DPP6: variants seen among roughly 807,000 people sequenced by gnomAD.
DPP6 encodes the protein dipeptidyl peptidase like 6, also known as A-type potassium channel modulatory protein DPP6.
Under a neutral mutation model 122.6 loss-of-function variants are expected in DPP6, and 69 were observed. The ratio of observed to expected loss-of-function variants is 0.56; its 90% confidence interval spans 0.46 to 0.69. The LOEUF (loss-of-function observed/expected upper bound fraction) is 0.69. DPP6 is among the 30% of genes least tolerant of loss of function. The pLI is 0.00. For missense variants in DPP6, 928 were observed against 1,116.9 expected, an observed-to-expected ratio of 0.83 and a Z score of 2.41; for synonymous variants, 418 against 433.1, an observed-to-expected ratio of 0.97 and a Z score of 0.43.
At chr7:154,649,255 G>T (rs1836712173) in intron 6 of DPP6, among the ~76,000 whole-genome samples, 1 of 152,138 alleles carries the variant, frequency 6.6e-6, no homozygotes, top group Non-Finnish European at 1.5e-5. Context: ...CTGTTGCATG[G>T]ATATCATAAT....
At chr7:154,141,075 A>G (rs1260808666) in intron 1 of DPP6, among the ~76,000 whole-genome samples, 3 of 152,158 alleles carry the variant, frequency 2.0e-5, no homozygotes, top group Non-Finnish European at 4.4e-5. Context: ...AGCAGGTATG[A>G]AGGCATCATG....
rs1795252536 is a variant in DPP6, at chr7:153,959,761, G to A, written c.51+72027G>A. ...GTTTCTTCATGTCAGCAATAAGGCT[G>A]TTTTGCTTTCTTATCATTCATGTGT... On this transcript the variant is annotated intron_variant, in intron 1 of 25. Coordinates refer to the DPP6 transcript ENST00000404039. Among the ~76,000 whole-genome samples the A allele has an allele frequency of 2.0e-5, 3 of 152,216 alleles. No individual in the cohort carries two copies. In the South Asian group the frequency reaches 6.2e-4, roughly 32 times the overall value.
intron 1 of DPP6, among the ~76,000 whole-genome samples, chr7:154,177,501 C>G (rs1271744590): frequency 2.0e-5 from 3 of 152,304 alleles, no homozygotes; most frequent in East Asian, 3.9e-4. Flanking sequence ...AGAGGAGTGA[C>G]CACTGTTGGT....
intron 1 of DPP6, among the ~76,000 whole-genome samples, chr7:154,395,161 G>A (rs1472533716): frequency 6.6e-6 from 1 of 152,178 alleles, no homozygotes; most frequent in Non-Finnish European, 1.5e-5. Context: ...GTCCTCAAAT[G>A]ATGAAAGGGA....
the DPP6 span, among the ~76,000 whole-genome samples, chr7:153,837,941 C>T: frequency 8.0e-5 from 12 of 149,542 alleles, no homozygotes; most frequent in East Asian, 1.6e-3. Flanking sequence ...CCCAAAGTGC[C>T]GGGATTACAG....
At position 154,708,179 on chromosome 7, in the gene DPP6, C is replaced by A. The variant is rs1321678509; in HGVS notation, c.763-19588C>A. Among the ~76,000 whole-genome samples, 4 of 152,170 alleles carry A rather than the reference C, an allele frequency of 2.6e-5. No individual in the cohort carries two copies. The East Asian group carries it at 7.7e-4, about 29-fold the overall frequency. ...TTAGGACTACTTCCATGGGAAAAAGCACATAACCACGTGTATACATACATA... is the reference window on the plus strand; with the variant it reads ...TTAGGACTACTTCCATGGGAAAAAGAACATAACCACGTGTATACATACATA... On this transcript the variant is annotated intron_variant, in intron 7 of 25. Coordinates refer to ENST00000377770, the MANE Select transcript of DPP6 (RefSeq NM_130797.4).
intron 10 of DPP6, among the ~76,000 whole-genome samples, chr7:154,791,608 A>C (rs952152115): frequency 3.9e-5 from 6 of 152,214 alleles, no homozygotes; most frequent in African/African-American, 1.2e-4. Context: ...TGGCCAAACC[A>C]TATCAGGCTC....
At chr7:154,792,095 A>G (rs963198878) in intron 10 of DPP6, among the ~76,000 whole-genome samples, 1 of 152,274 alleles carries the variant, frequency 6.6e-6, no homozygotes, top group African/African-American at 2.4e-5. Context: ...CATGAAGGAC[A>G]TAGAGGGAAA....
chr7:154,564,070 G>A (rs1390904536), intron 4 of DPP6, among the ~76,000 whole-genome samples: 3 of 152,194 alleles, frequency 2.0e-5, no homozygotes, highest in Non-Finnish European at 4.4e-5. Context: ...AGCAGGTGAT[G>A]AGTGTCCGGG....
rs1804887452 is a variant in DPP6 at position 154,091,992 on chromosome 7, A to G, written c.243+38929A>G. Among the ~76,000 whole-genome samples the G allele has an allele frequency of 3.9e-5, 6 of 152,108 alleles. No homozygotes were observed. The South Asian group carries it at 1.2e-3, about 32-fold the overall frequency. On this transcript the variant is annotated intron_variant, in intron 1 of 25. Transcript: ENST00000377770. ...CCCTTGGTGGTTCTCAACAATTTCC[A>G]GGATGTTGCATTTATTTATCCATGA...
the DPP6 span, among the ~76,000 whole-genome samples, chr7:153,801,320 T>C: frequency 6.7e-6 from 1 of 149,792 alleles, no homozygotes; most frequent in Non-Finnish European, 1.5e-5. Flanking sequence ...AAAATGACCA[T>C]CCATCCTCAC....
chr7:154,419,945 C>T (rs917369196), intron 1 of DPP6, among the ~76,000 whole-genome samples: 7 of 152,114 alleles, frequency 4.6e-5, no homozygotes, highest in Admixed American at 6.6e-5. Flanking sequence ...ACAATGTAAA[C>T]GTCCATTGAA....
chr7:153,812,313 C>T, the DPP6 span, among the ~76,000 whole-genome samples: 1 of 151,864 alleles, frequency 6.6e-6, no homozygotes, highest in Non-Finnish European at 1.5e-5. Context: ...AAACATGATA[C>T]CTATTTCCAC....
At chr7:154,491,956 C>T (rs986584031) in intron 3 of DPP6, among the ~76,000 whole-genome samples, 1 of 152,104 alleles carries the variant, frequency 6.6e-6, no homozygotes, top group African/African-American at 2.4e-5. Flanking sequence ...TCAAGGATCC[C>T]ATAATGTTAC....
At chr7:154,749,191 C>A (rs375664463) in intron 8 of DPP6, among the ~76,000 whole-genome samples, 983 of 75,482 alleles carry the variant, frequency 0.013, 3 homozygotes, top group Non-Finnish European at 0.017. Flanking sequence ...AGAGGGATGG[C>A]GGCTTTACTG....
In DPP6 at chr7:154,617,430, A is replaced by G. The variant is rs188740677; in HGVS notation, c.628-20391A>G. ...AATAGAAATGCAATTGCAAATGGCA[A>G]TTTGAGGTAAGCAATCCGATTGTGC... On this transcript the variant is annotated intron_variant, in intron 5 of 25. Transcript: ENST00000377770. 2.1e-3 allele frequency among the ~76,000 whole-genome samples: 318 copies of G among 152,348 alleles called. 1 individual carries two copies. Among genetic ancestry groups the G allele is most frequent in the Non-Finnish European group, 3.3e-3 (227 of 68,034 alleles).
chr7:154,844,180 A>C (rs934201176), intron 16 of DPP6, among the ~76,000 whole-genome samples: 3 of 152,272 alleles, frequency 2.0e-5, no homozygotes, highest in Non-Finnish European at 4.4e-5. Context: ...CTATTGTATG[A>C]AACAAATCAT....
At position 154,242,381 on chromosome 7, in the gene DPP6, A is replaced by AGTGTGTGTGTGTGCGTGT. The variant is rs573950865; in HGVS notation, c.243+189331_243+189332insCGTGTGTGTGTGTGTGTG. On this transcript the variant is annotated intron_variant, in intron 1 of 25. Transcript: ENST00000377770. ...GTAACACTGACTTTAAGAGGCAATG[A>AGTGTGTGTGTGTGCGTGT]GTGTGTGTGTGTGTGTGTATGTGTG... Among the ~76,000 whole-genome samples the AGTGTGTGTGTGTGCGTGT allele has an allele frequency of 5.4e-3, 815 of 150,304 alleles. 6 individuals are homozygous for AGTGTGTGTGTGTGCGTGT. Among genetic ancestry groups the AGTGTGTGTGTGTGCGTGT allele is most frequent in the African/African-American group, 0.019 (769 of 41,002 alleles).
chr7:154,375,125 G>C (rs1813018663), intron 1 of DPP6, among the ~76,000 whole-genome samples: 1 of 152,126 alleles, frequency 6.6e-6, no homozygotes, highest in Non-Finnish European at 1.5e-5. Context: ...AGAGAGGGCA[G>C]ACAGTTCTGG....
Sources: gnomAD v4.1 joint callset for allele counts (sites outside exome capture counted in the v4.1 genomes callset) on GRCh38, gnomAD v4.1.1 for gene constraint, MANE v1.5 for transcripts, NCBI Gene and HGNC (gene_info 2026-07-23, HGNC 2026-07-21) for gene names.